The following NOL10 variants were observed in gnomAD, a reference collection of about 807,000 sequenced individuals.
NOL10 encodes the protein H_NH0074G24.1.
A neutral mutation model predicts 103.5 loss-of-function variants in NOL10; 58 were observed. The observed-to-expected ratio is 0.56, with a 90% confidence interval of 0.45 to 0.70. The LOEUF is 0.70. NOL10 is among the 30% of genes least tolerant of loss of function. NOL10 has a pLI of 0.00. For synonymous variants in NOL10, 287 were observed against 282.5 expected (o/e 1.02, Z -0.16); for missense variants, 763 against 807.3 (o/e 0.95, Z 0.67).
In NOL10 at chr2:10,607,127, C is replaced by CA. The variant is rs1246262063; in HGVS notation, c.1153+57dup. On this transcript the variant is annotated intron_variant, in intron 14 of 20. Transcript: ENST00000381685. ...TCAGCCAATTCTCATGTTCAAAACT[C>CA]AAAAAAAAAGTAGAAATAAAGTAAT... 7.4e-4 allele frequency: 894 copies of CA among 1,215,466 alleles called. 1 individual carries two copies. The highest frequency in any genetic ancestry group is 1.4e-3 in the South Asian group (75 of 54,572). The allele number at this position is 1,215,466 out of a possible 1,614,324, so 75.3% of individuals were successfully genotyped here.
At chr2:10,630,877 A>G (rs889327779) in intron 13 of NOL10, among the ~76,000 whole-genome samples, 3 of 152,160 alleles carry the variant, frequency 2.0e-5, no homozygotes, top group Non-Finnish European at 4.4e-5. Flanking sequence ...TGTGGACAAG[A>G]TTTGAGCAAC....
At chr2:10,670,786 A>T (rs918926474) in intron 6 of NOL10, among the ~76,000 whole-genome samples, 3 of 152,110 alleles carry the variant, frequency 2.0e-5, no homozygotes, top group Non-Finnish European at 4.4e-5. Context: ...AACAAAACAA[A>T]AAGACATGGG....
At chr2:10,588,204 T>A (rs551022793) in intron 19 of NOL10, among the ~76,000 whole-genome samples, 3 of 152,216 alleles carry the variant, frequency 2.0e-5, no homozygotes, top group African/African-American at 7.2e-5. Flanking sequence ...TTGGGGAAGG[T>A]TAATTTTTTT....
intron 20 of NOL10, among the ~76,000 whole-genome samples, chr2:10,574,978 G>A (rs1261513786): frequency 6.6e-6 from 1 of 152,202 alleles, no homozygotes; most frequent in African/African-American, 2.4e-5. Context: ...CTCTCCCAAG[G>A]CGGCATCTGG....
intron 3 of NOL10, among the ~76,000 whole-genome samples, chr2:10,679,049 C>A (rs183657615): frequency 4.8e-4 from 73 of 151,968 alleles, no homozygotes; most frequent in African/African-American, 1.7e-3. Flanking sequence ...ATACTGAGAC[C>A]CCATCTCCAT....
At chr2:10,668,573 A>T in intron 7 of NOL10, 85 bp downstream of exon 7, 1 of 591,294 alleles carries the variant, frequency 1.7e-6, no homozygotes, top group Non-Finnish European at 2.9e-6. Context: ...TAATTGCAAT[A>T]GTTTATGTTA....
rs1465879120 is a variant in NOL10 at position 10,606,390 on chromosome 2, TGAG to T, written c.1153+792_1153+794del. 2.6e-5 allele frequency among the ~76,000 whole-genome samples: 4 copies of T among 152,070 alleles called. No homozygotes were observed. The East Asian group carries it at 7.7e-4, about 29-fold the overall frequency. ...CTGTAATCCCAGTACTTTGAGAGGC[TGAG>T]GTGGGTGGATCACCTGAGGCCAGGA... On this transcript the variant is annotated intron_variant, in intron 14 of 20. Transcript: ENST00000381685.
intron 13 of NOL10, among the ~76,000 whole-genome samples, chr2:10,614,364 T>A (rs1424209082): frequency 6.6e-6 from 1 of 152,132 alleles, no homozygotes; most frequent in Non-Finnish European, 1.5e-5. Context: ...CAGGCTGGAG[T>A]GCAGTGGTAT....
chr2:10,635,313 CA>C (rs1678127975), intron 13 of NOL10, among the ~76,000 whole-genome samples: 1 of 152,182 alleles, frequency 6.6e-6, no homozygotes, highest in African/African-American at 2.4e-5. Flanking sequence ...TATAGAGGCT[CA>C]ACCTCTACGT....
intron 3 of NOL10, among the ~76,000 whole-genome samples, 168 bp from the exon 4 acceptor site, chr2:10,676,039 A>G (rs1028791350): frequency 3.9e-5 from 6 of 152,260 alleles, no homozygotes. Flanking sequence ...GGAAAAACTG[A>G]GCAAAAGCTA....
At chr2:10,572,600 T>C (rs1453046670) in intron 20 of NOL10, among the ~76,000 whole-genome samples, 1 of 152,196 alleles carries the variant, frequency 6.6e-6, no homozygotes, top group Non-Finnish European at 1.5e-5. Context: ...TTAGAGATCT[T>C]TGTTTACAAA....
At chr2:10,667,622 C>T (rs1012580) in intron 7 of NOL10, among the ~76,000 whole-genome samples, 31,123 of 152,134 alleles carry the variant, frequency 0.2, 4,188 homozygotes, top group Non-Finnish European at 0.3. Flanking sequence ...AGAACACACG[C>T]TATCACCATG....
chr2:10,678,406 A>T (rs2148356087), intron 3 of NOL10, among the ~76,000 whole-genome samples: 1 of 145,396 alleles, frequency 6.9e-6, no homozygotes, highest in Non-Finnish European at 1.5e-5. Context: ...TTTGGCCACT[A>T]GGGGAAAAAA....
At position 10,602,850 on chromosome 2, in the gene NOL10, C is replaced by G; in HGVS notation, c.1258G>C (p.Ala420Pro). ...TTATCTTTCCTATATTCTTCATAAG[C>G]AAATGGATTTACCATCAGTTTCACC... ...HKVKLMVNPF[A>P]YEEYRKDKIR... The change falls in exon 16 of 21, where the codon GCT (alanine) becomes CCT (proline). Residue 420 changes from alanine to proline, a missense_variant. Coordinates refer to ENST00000381685, the MANE Select transcript of NOL10 (RefSeq NM_024894.4). 1 of 1,608,052 alleles carries G rather than the reference C, an allele frequency of 6.2e-7. No homozygotes were observed. The highest frequency in any genetic ancestry group is 8.5e-7 in the Non-Finnish European group (1 of 1,176,710).
intron 19 of NOL10, among the ~76,000 whole-genome samples, chr2:10,587,046 T>TATATATACAC (rs1558269786): frequency 7.2e-5 from 4 of 55,578 alleles, no homozygotes; most frequent in African/African-American, 1.9e-4. Flanking sequence ...GTTAAATGTA[T>TATATATACAC]ATATATATAC....
Position 10,603,025 on chromosome 2 carries a change from C to T in NOL10, c.1233+53G>A, listed in dbSNP as rs1676062786. ...AAAGTGCGAGTAGTGAGGAAATGGC[C>T]ACAGACTGCGCATTAGTTACCTGAA... is the stretch of plus-strand genomic sequence containing the variant. On this transcript the variant is annotated intron_variant, in intron 15 of 20. Coordinates refer to ENST00000381685, the MANE Select transcript of NOL10 (RefSeq NM_024894.4). 1.2e-5 allele frequency: 17 copies of T among 1,418,602 alleles called. No homozygotes were observed. The Middle Eastern group carries it at 1.2e-3, about 102-fold the overall frequency. The allele number at this position is 1,418,602 out of a possible 1,614,324, so 87.9% of individuals were successfully genotyped here.
chr2:10,588,929 C>T, intron 19 of NOL10, 114 bp downstream of exon 19: 1 of 1,461,274 alleles, frequency 6.8e-7, no homozygotes. Flanking sequence ...TCCCCTCCAC[C>T]CTCTGCACCT....
chr2:10,647,364 A>C (rs1679155818), intron 12 of NOL10, among the ~76,000 whole-genome samples: 1 of 152,226 alleles, frequency 6.6e-6, no homozygotes, highest in South Asian at 2.1e-4. Context: ...ACAGACTGCA[A>C]ACTGTTACCA....
intron 19 of NOL10, among the ~76,000 whole-genome samples, chr2:10,582,473 ACT>A (rs1674812261): frequency 6.6e-6 from 1 of 151,638 alleles, no homozygotes; most frequent in Non-Finnish European, 1.5e-5. Context: ...CATTCTAAGG[ACT>A]CTCTTTCTCC....
Sources: gnomAD v4.1 joint callset for allele counts (sites outside exome capture counted in the v4.1 genomes callset) on GRCh38, gnomAD v4.1.1 for gene constraint, MANE v1.5 for transcripts, NCBI Gene and HGNC (gene_info 2026-07-23, HGNC 2026-07-21) for gene names.